DBH: variants seen among roughly 807,000 people sequenced by gnomAD.
DBH encodes dopamine beta-hydroxylase, also known as dopamine beta-hydroxylase (dopamine beta-monooxygenase).
DBH carries 49 observed loss-of-function variants against 64.0 expected under a neutral mutation model. The ratio of observed to expected loss-of-function variants is 0.77; its 90% confidence interval spans 0.61 to 0.97. The LOEUF is 0.97. Ranked by LOEUF, DBH falls within the 50% of genes least tolerant of loss-of-function variation. DBH has a pLI of 0.00. For synonymous variants in DBH, 343 were observed against 347.1 expected (o/e 0.99, Z 0.13); for missense variants, 828 against 826.6 (o/e 1.00, Z -0.02).
In DBH at chr9:133,639,570, C is replaced by T. The variant is rs114938780; in HGVS notation, c.340-276C>T. Among the ~76,000 whole-genome samples, 1,434 of 152,334 alleles carry T rather than the reference C, an allele frequency of 9.4e-3. 14 individuals are homozygous for T. Among genetic ancestry groups the T allele is most frequent in the African/African-American group, 0.027 (1,104 of 41,578 alleles). Reference sequence around the variant, plus strand: ...TGCCCATGGCTAACAGAACCTGTGACCTGCTGGCAAGTGACAGCCCTGGTT... The same window carrying T: ...TGCCCATGGCTAACAGAACCTGTGATCTGCTGGCAAGTGACAGCCCTGGTT... On this transcript the variant is annotated intron_variant, in intron 1 of 11. Coordinates refer to ENST00000393056, the MANE Select transcript of DBH (RefSeq NM_000787.4).
chr9:133,658,732 TGGTCCAG>T lies in DBH; in HGVS notation c.*293_*299del, dbSNP rs1436472318. The T allele has an allele frequency of 2.2e-5, 6 of 277,074 alleles. No homozygotes were observed. In the East Asian group the frequency reaches 3.7e-4, roughly 17 times the overall value. 17.2% of individuals were successfully genotyped at this position (277,074 alleles called of 1,614,324 possible). On this transcript the variant is annotated 3_prime_UTR_variant, in exon 12 of 12. Coordinates refer to ENST00000393056, the MANE Select transcript of DBH (RefSeq NM_000787.4). ...CTCAGTGCAGGGACAGCCTGCACAG[TGGTCCAG>T]GGTCCAGCCCTCCGCCAGCCCTGTT...
At chr9:133,649,969 T>C (rs1266692208) in intron 6 of DBH, among the ~76,000 whole-genome samples, 2 of 152,252 alleles carry the variant, frequency 1.3e-5, no homozygotes, top group East Asian at 3.8e-4. Flanking sequence ...GCACAAATTC[T>C]GCAGCCAAAA....
At chr9:133,642,590 C>G (rs969822145) in intron 3 of DBH, 126 bp downstream of exon 3, 1 of 1,183,310 alleles carries the variant, frequency 8.5e-7, no homozygotes, top group Non-Finnish European at 1.2e-6. Context: ...TCACTGGAAC[C>G]TCAGGCACCT....
In DBH at chr9:133,643,598, C is replaced by T; in HGVS notation, c.921+9C>T. The T allele has an allele frequency of 6.2e-7, 1 of 1,613,100 alleles. No homozygotes were observed. The highest frequency in any genetic ancestry group is 8.5e-7 in the Non-Finnish European group (1 of 1,179,832). On this transcript the variant is annotated intron_variant, in intron 4 of 11. Coordinates refer to ENST00000393056, the MANE Select transcript of DBH (RefSeq NM_000787.4). The surrounding 1 kb of genome is among the most constrained non-coding windows in gnomAD (Gnocchi z 5.3). ...GGGCCCTGGGTGCCAAGGTGCGTGC[C>T]CTGCGACCCCAGCATGGTGTCTCCT...
Position 133,657,178 on chromosome 9 carries a change from C to T in DBH, c.1671C>T (p.Ser557=), listed in dbSNP as rs138716242. ...GCGACGTACTGAAGGCCCTGTACAGCTTCGCGCCCATCTCCATGCACTGCA... is the reference window on the plus strand; with the variant it reads ...GCGACGTACTGAAGGCCCTGTACAGTTTCGCGCCCATCTCCATGCACTGCA... ...FNRDVLKALY[S]FAPISMHCNK... The change falls in exon 11 of 12, where the codon AGC becomes AGT. Residue 557 remains serine (S), a synonymous_variant. Transcript: ENST00000393056. 1.3e-4 allele frequency: 210 copies of T among 1,614,134 alleles called. No homozygotes were observed. The South Asian group carries it at 1.8e-3, about 14-fold the overall frequency.
intron 9 of DBH, 36 bp downstream of exon 9, chr9:133,653,035 G>A: frequency 1.9e-6 from 3 of 1,545,280 alleles, no homozygotes; most frequent in East Asian, 4.5e-5. Flanking sequence ...ACCTGCCCAG[G>A]GCGAGTGTTC....
chr9:133,650,327 G>A (rs992312636), intron 6 of DBH, among the ~76,000 whole-genome samples: 1 of 152,190 alleles, frequency 6.6e-6, no homozygotes, highest in South Asian at 2.1e-4. Context: ...TCTGGGACCT[G>A]CTGACTGCAT....
In DBH at chr9:133,636,575, C is replaced by A. The variant is rs374987238; in HGVS notation, c.204C>A (p.Thr68=). 4.1e-5 allele frequency: 66 copies of A among 1,613,562 alleles called. No homozygotes were observed. Among genetic ancestry groups the A allele is most frequent in the Non-Finnish European group, 5.3e-5 (62 of 1,180,012 alleles). Residue 68 remains threonine (T), a synonymous_variant, in exon 1 of 12, where the codon ACC becomes ACA. Transcript: ENST00000393056. ...AGCTCTCATGGAATGTCAGCTACAC[C>A]CAGGAGGCCATCCATTTCCAGCTCC... ...SLELSWNVSY[T]QEAIHFQLLV... is the part of the protein sequence containing the mutation.
chr9:133,639,711 C>A, intron 1 of DBH, 135 bp from the exon 2 acceptor site: 1 of 939,220 alleles, frequency 1.1e-6, no homozygotes, highest in Non-Finnish European at 1.6e-6. Flanking sequence ...ACCCTCAGAT[C>A]CACAGGGACT....
Position 133,644,287 on chromosome 9 carries a change from G to T in DBH, c.991G>T (p.Glu331Ter). The change falls in exon 5 of 12, where the codon GAA (glutamate) becomes TAA (stop). Residue 331 changes from glutamate to a stop codon, truncating the protein, a stop_gained. Coordinates refer to ENST00000393056, the MANE Select transcript of DBH (RefSeq NM_000787.4). LOFTEE classifies it high-confidence loss of function. ...GPGSSRYLRLEVHYHNPLVIE... is the reference protein window; with the variant it reads ...GPGSSRYLRL The stretch of plus-strand genomic sequence containing the variant: ...AGGGTCCTCCAGATATCTCCGCCTG[G>T]AAGTTCACTACCACAACCCACTGGT... 6.2e-7 allele frequency: 1 copy of T among 1,614,174 alleles called. No homozygotes were observed. The highest frequency in any genetic ancestry group is 8.5e-7 in the Non-Finnish European group (1 of 1,180,004).
chr9:133,637,865 A>G (rs3025387), intron 1 of DBH, among the ~76,000 whole-genome samples: 33,344 of 151,850 alleles, frequency 0.22, 4,438 homozygotes, highest in African/African-American at 0.38. Context: ...TCTGACCCAT[A>G]GGGCTGCACA....
chr9:133,639,149 T>C (rs1365717769), intron 1 of DBH, among the ~76,000 whole-genome samples: 1 of 151,384 alleles, frequency 6.6e-6, no homozygotes, highest in Non-Finnish European at 1.5e-5. Context: ...TTCCAGCACT[T>C]TGGGAGGGCA....
chr9:133,641,927 A>C (rs1189498732), intron 2 of DBH, among the ~76,000 whole-genome samples: 1 of 152,218 alleles, frequency 6.6e-6, no homozygotes, highest in African/African-American at 2.4e-5. Context: ...CGGCGGGCCC[A>C]GTAGTCACTG....
At chr9:133,642,895 G>A (rs1832133788) in intron 3 of DBH, among the ~76,000 whole-genome samples, 1 of 152,174 alleles carries the variant, frequency 6.6e-6, no homozygotes. Flanking sequence ...CCGGGGGAGG[G>A]GCGAGGTGAT....
intron 5 of DBH, 34 bp from the exon 6 acceptor site, chr9:133,647,812 A>T: frequency 6.2e-7 from 1 of 1,613,568 alleles, no homozygotes; most frequent in Non-Finnish European, 8.5e-7. Context: ...GCCTCCACTT[A>T]CCGCTCACCT....
intron 9 of DBH, chr9:133,655,907 A>C (rs1201237812): frequency 6.4e-6 from 1 of 156,896 alleles, no homozygotes; most frequent in Non-Finnish European, 1.4e-5. Context: ...GTGGGGACTC[A>C]GAGGGTGCCT....
At chr9:133,648,109 C>T (rs1832205304) in intron 6 of DBH, 97 bp downstream of exon 6, 1 of 1,403,562 alleles carries the variant, frequency 7.1e-7, no homozygotes. Flanking sequence ...GCAGGCACAG[C>T]TTTGGTTTCC....
intron 1 of DBH, among the ~76,000 whole-genome samples, chr9:133,637,410 C>T (rs540938731): frequency 3.3e-5 from 5 of 152,354 alleles, no homozygotes; most frequent in Admixed American, 6.5e-5. Flanking sequence ...AGGGGGTCCC[C>T]GAAGTGGGCG....
chr9:133,647,498 T>A (rs1832195625), intron 5 of DBH, among the ~76,000 whole-genome samples: 1 of 152,224 alleles, frequency 6.6e-6, no homozygotes, highest in Admixed American at 6.5e-5. Flanking sequence ...CGAGTTTCCG[T>A]CTATCAGCAG....
Sources: gnomAD v4.1 joint callset for allele counts (sites outside exome capture counted in the v4.1 genomes callset) on GRCh38, gnomAD v4.1.1 for gene constraint, Gnocchi (gnomAD v3.1) non-coding constraint, MANE v1.5 for transcripts, NCBI Gene and HGNC (gene_info 2026-07-23, HGNC 2026-07-21) for gene names.